Variants in SLC16A9 observed in about 807,000 individuals in gnomAD.
The protein encoded by SLC16A9 is solute carrier family 16 member 9.
In SLC16A9, 26 loss-of-function variants were observed where a neutral mutation model predicts 44.3. The ratio of observed to expected loss-of-function variants is 0.59; its 90% CI spans 0.43 to 0.81. SLC16A9 has a LOEUF of 0.81. Ranked by LOEUF, SLC16A9 falls within the 40% of genes least tolerant of loss-of-function variation. SLC16A9 has a pLI of 0.00. For synonymous variants in SLC16A9, 230 were observed against 225.1 expected, an observed-to-expected ratio of 1.02 and a Z score of -0.19; for missense variants, 559 against 595.8, an observed-to-expected ratio of 0.94 and a Z score of 0.64.
chr10:59,666,723 A>G (rs1839626102), intron 3 of SLC16A9, among the ~76,000 whole-genome samples: 1 of 152,188 alleles, frequency 6.6e-6, no homozygotes, highest in African/African-American at 2.4e-5. Context: ...CTTTTAAAAT[A>G]TAACATCGTT....
intron 4 of SLC16A9, among the ~76,000 whole-genome samples, chr10:59,663,666 G>A (rs749434487): frequency 1.3e-5 from 2 of 151,932 alleles, no homozygotes; most frequent in Admixed American, 1.3e-4. Context: ...TAGATCATGG[G>A]TTGATGGGTG....
At chr10:59,698,051 T>G (rs1840440973) in intron 1 of SLC16A9, among the ~76,000 whole-genome samples, 2 of 152,082 alleles carry the variant, frequency 1.3e-5, no homozygotes, top group South Asian at 2.1e-4. Flanking sequence ...TTTTCTGGTA[T>G]TGAAGAATCT....
At position 59,664,341 on chromosome 10, in the gene SLC16A9, T is replaced by A; in HGVS notation, c.341-19A>T. On this transcript the variant is annotated intron_variant, in intron 3 of 5. Coordinates refer to ENST00000395348, the MANE Select transcript of SLC16A9 (RefSeq NM_194298.3). ...CCAAGACCTAAGCATGAGAAGACAT[T>A]GCATAAATTAAGACGCTGCATTACT... 6.4e-7 allele frequency: 1 copy of A among 1,553,620 alleles called. No individual in the cohort carries two copies. The highest frequency in any genetic ancestry group is 8.8e-7 in the Non-Finnish European group (1 of 1,131,370).
intron 2 of SLC16A9, among the ~76,000 whole-genome samples, chr10:59,680,870 C>A (rs1369215301): frequency 1.3e-5 from 2 of 151,978 alleles, no homozygotes; most frequent in African/African-American, 4.8e-5. Flanking sequence ...GTAGTCCCAG[C>A]TACTCAAGAG....
intron 1 of SLC16A9, among the ~76,000 whole-genome samples, chr10:59,692,019 A>G (rs746257812): frequency 2.0e-5 from 3 of 152,152 alleles, no homozygotes; most frequent in Non-Finnish European, 4.4e-5. Flanking sequence ...AATAACCCCC[A>G]TTTGAGCATT....
Position 59,652,805 on chromosome 10 carries a change from T to A in SLC16A9, c.1497A>T (p.Thr499=). The part of the protein sequence containing the change: ...CNKQLPKPAP[T]TFLYKVASNV Reference sequence around the variant, plus strand: ...TAGAGGCAACTTTGTACAAGAAAGTTGTTGGAGCTGGCTTGGGGAGTTGCT... The same window carrying A: ...TAGAGGCAACTTTGTACAAGAAAGTAGTTGGAGCTGGCTTGGGGAGTTGCT... Residue 499 remains threonine, a synonymous_variant, in exon 6 of 6, where the codon ACA becomes ACT. Transcript: ENST00000395348. 6.2e-7 allele frequency: 1 copy of A among 1,612,098 alleles called. No individual in the cohort carries two copies. Among genetic ancestry groups the A allele is most frequent in the Middle Eastern group, 1.7e-4 (1 of 6,050 alleles).
At chr10:59,682,612 C>G (rs2132488175) in intron 2 of SLC16A9, among the ~76,000 whole-genome samples, 1 of 152,274 alleles carries the variant, frequency 6.6e-6, no homozygotes, top group East Asian at 1.9e-4. Context: ...TCCTTTGACC[C>G]TTGCTGGAAG....
intron 3 of SLC16A9, among the ~76,000 whole-genome samples, chr10:59,670,185 A>C (rs1274918021): frequency 3.9e-5 from 6 of 152,238 alleles, no homozygotes; most frequent in Admixed American, 3.9e-4. Context: ...TTTAAGGAGA[A>C]AGGAACAAAT....
At chr10:59,688,712 A>C (rs1840187421) in intron 1 of SLC16A9, among the ~76,000 whole-genome samples, 1 of 151,592 alleles carries the variant, frequency 6.6e-6, no homozygotes, top group Non-Finnish European at 1.5e-5. Flanking sequence ...ATATGATAGA[A>C]ATAGCCAAAC....
In SLC16A9 at chr10:59,696,714, C is replaced by A. The variant is rs1467608107; in HGVS notation, c.-36-12387G>T. ...AGATGTGGGGAGCACCTCTGCCCTGCCGCCCCGTCTGGGATGTGAGGAGTG... is the reference window on the plus strand; with the variant it reads ...AGATGTGGGGAGCACCTCTGCCCTGACGCCCCGTCTGGGATGTGAGGAGTG... On this transcript the variant is annotated intron_variant, in intron 1 of 5. Transcript: ENST00000395348. 2.0e-5 allele frequency among the ~76,000 whole-genome samples: 3 copies of A among 151,544 alleles called. 1 individual carries two copies. Among genetic ancestry groups the A allele is most frequent in the African/African-American group, 7.3e-5 (3 of 41,256 alleles).
intron 2 of SLC16A9, among the ~76,000 whole-genome samples, chr10:59,673,310 G>T (rs1284789099): frequency 6.6e-6 from 1 of 152,124 alleles, no homozygotes; most frequent in Non-Finnish European, 1.5e-5. Context: ...ACCTGACCGT[G>T]TTACTGTGCC....
chr10:59,686,209 C>A (rs1840130320), intron 1 of SLC16A9, among the ~76,000 whole-genome samples: 1 of 152,062 alleles, frequency 6.6e-6, no homozygotes, highest in African/African-American at 2.4e-5. Context: ...ATCACAGAAT[C>A]TTTTTTATAA....
At chr10:59,658,880 C>T (rs918960268) in intron 4 of SLC16A9, among the ~76,000 whole-genome samples, 6 of 152,082 alleles carry the variant, frequency 3.9e-5, no homozygotes, top group Non-Finnish European at 7.4e-5. Flanking sequence ...ACTGGGTTGG[C>T]CTCAGGAATA....
At chr10:59,673,458 T>C (rs554192581) in intron 2 of SLC16A9, among the ~76,000 whole-genome samples, 1 of 152,312 alleles carries the variant, frequency 6.6e-6, no homozygotes, top group East Asian at 1.9e-4. Flanking sequence ...GAACTTAATG[T>C]ACTAGAAATA....
chr10:59,675,510 A>C (rs2132460612), intron 2 of SLC16A9, among the ~76,000 whole-genome samples: 1 of 152,312 alleles, frequency 6.6e-6, no homozygotes, highest in East Asian at 1.9e-4. Flanking sequence ...GCCACAGCCA[A>C]CACCAGGGGA....
At chr10:59,686,869 A>T (rs1374983868) in intron 1 of SLC16A9, among the ~76,000 whole-genome samples, 1 of 152,140 alleles carries the variant, frequency 6.6e-6, no homozygotes, top group African/African-American at 2.4e-5. Context: ...GACATCCTCC[A>T]CCTTGCTTTG....
intron 4 of SLC16A9, among the ~76,000 whole-genome samples, chr10:59,658,822 G>T (rs986512438): frequency 6.6e-6 from 1 of 152,062 alleles, no homozygotes; most frequent in Admixed American, 6.6e-5. Context: ...AAATATGTTG[G>T]GGAAATATAC....
rs1839297237 is a variant in SLC16A9 at position 59,654,362 on chromosome 10, C to T, written c.664G>A (p.Glu222Lys). 3 of 1,613,842 alleles carry T rather than the reference C, an allele frequency of 1.9e-6. No homozygotes were observed. The highest frequency in any genetic ancestry group is 2.2e-5 in the East Asian group (1 of 44,900). The change falls in exon 5 of 6, where the codon GAA becomes AAA. Residue 222 changes from glutamate (E) to lysine (K), a missense_variant. Physicochemically the swap from Glu to Lys is moderately conservative, Grantham distance 56. Coordinates refer to ENST00000395348, the MANE Select transcript of SLC16A9 (RefSeq NM_194298.3). The part of the protein sequence containing the change: ...SIYNEKGKNL[E>K]ENINILDKSY... ...TTGTCAAGAATGTTTATGTTTTCTTCCAGATTCTTTCCTTTTTCATTGTAA... is the reference window on the plus strand; with the variant it reads ...TTGTCAAGAATGTTTATGTTTTCTTTCAGATTCTTTCCTTTTTCATTGTAA...
chr10:59,703,564 T>C (rs958674717), intron 1 of SLC16A9, among the ~76,000 whole-genome samples: 22 of 152,298 alleles, frequency 1.4e-4, no homozygotes, highest in Non-Finnish European at 2.6e-4. Context: ...ATTGGCTATA[T>C]AGGATCACAA....
Sources: gnomAD v4.1 joint callset for allele counts (sites outside exome capture counted in the v4.1 genomes callset) on GRCh38, gnomAD v4.1.1 for gene constraint, MANE v1.5 for transcripts, NCBI Gene and HGNC (gene_info 2026-07-23, HGNC 2026-07-21) for gene names.